The following UNC80 variants were observed in gnomAD, a reference collection of about 807,000 sequenced individuals.
UNC80 encodes the protein protein unc-80 homolog.
A neutral mutation model predicts 384.6 loss-of-function variants in UNC80; 164 were observed. The observed-to-expected ratio is 0.43, with a 90% confidence interval of 0.38 to 0.49. The LOEUF (loss-of-function observed/expected upper bound fraction) is 0.49. Ranked by LOEUF, UNC80 falls within the 20% of genes least tolerant of loss-of-function variation. UNC80 has a pLI of 0.00. For missense variants in UNC80, 3,330 were observed against 4,143.0 expected (o/e 0.80, Z 5.39); for synonymous variants, 1,486 against 1,527.8 (o/e 0.97, Z 0.64).
At chr2:209,955,692 AATATATATATATATATATATATATATAT>A (rs57804600) in intron 48 of UNC80, among the ~76,000 whole-genome samples, 11 of 51,614 alleles carry the variant, frequency 2.1e-4, no homozygotes, top group Non-Finnish European at 3.1e-4. Context: ...CTGTATTTCT[AATATATATATATATATATATATATATAT>A]ATATATATAT....
At chr2:209,960,821 G>A (rs2092565133) in intron 51 of UNC80, 1 of 152,278 alleles carries the variant, frequency 6.6e-6, no homozygotes, top group African/African-American at 2.4e-5. Context: ...TTCACACTGA[G>A]AAGTTCAGCT....
At position 209,842,340 on chromosome 2, in the gene UNC80, CT is replaced by C; in HGVS notation, c.3358-4del. ...TATCTCTCTACTTTCCTTTTTTTTT[CT>C]TTTTTCAGGTCAAATTCACTAGTGC... On this transcript the variant is annotated splice_polypyrimidine_tract_variant and intron_variant, in intron 20 of 64. Coordinates refer to ENST00000673920, the MANE Select transcript of UNC80 (RefSeq NM_001371986.1). 1 of 1,513,484 alleles carries C rather than the reference CT, an allele frequency of 6.6e-7. No individual in the cohort carries two copies. Among genetic ancestry groups the C allele is most frequent in the African/African-American group, 1.4e-5 (1 of 70,296 alleles). 93.8% of individuals were successfully genotyped at this position (1,513,484 alleles called of 1,614,324 possible).
intron 30 of UNC80, 135 bp downstream of exon 30, chr2:209,912,802 C>G: frequency 1.7e-6 from 1 of 585,718 alleles, no homozygotes; most frequent in South Asian, 2.4e-5. Flanking sequence ...AGTTGGTGAG[C>G]AAGAGTGCCA....
At chr2:209,930,841 A>G (rs1370700324) in intron 37 of UNC80, 127 bp from the exon 38 acceptor site, 1 of 612,380 alleles carries the variant, frequency 1.6e-6, no homozygotes, top group Non-Finnish European at 2.9e-6. Flanking sequence ...GTTGAACATA[A>G]TTGAAATCAA....
chr2:209,802,842 A>C (rs2078649575), intron 7 of UNC80, among the ~76,000 whole-genome samples: 1 of 152,324 alleles, frequency 6.6e-6, no homozygotes, highest in East Asian at 1.9e-4. Flanking sequence ...ATCCAGTTAC[A>C]GTTTCTCTCA....
intron 26 of UNC80, among the ~76,000 whole-genome samples, chr2:209,893,870 A>T (rs2086575407): frequency 6.6e-6 from 1 of 152,216 alleles, no homozygotes; most frequent in Non-Finnish European, 1.5e-5. Context: ...ATAAAAGTGT[A>T]CTAATAGTCC....
chr2:209,927,343 C>T (rs894263457), intron 36 of UNC80, among the ~76,000 whole-genome samples: 1 of 152,178 alleles, frequency 6.6e-6, no homozygotes, highest in Admixed American at 6.5e-5. Flanking sequence ...ACGTGATTAC[C>T]TTTCCTGACG....
intron 64 of UNC80, 117 bp downstream of exon 64, chr2:209,994,381 C>A: frequency 1.1e-6 from 1 of 878,328 alleles, no homozygotes; most frequent in Non-Finnish European, 1.7e-6. Context: ...GCTTTGTTAT[C>A]CAAACAGATA....
chr2:209,804,124 C>T (rs2078733989), intron 7 of UNC80, among the ~76,000 whole-genome samples: 1 of 152,076 alleles, frequency 6.6e-6, no homozygotes, highest in East Asian at 1.9e-4. Flanking sequence ...GAGATGTTAC[C>T]AAAGTGATTT....
chr2:209,941,106 C>T (rs759936232), intron 43 of UNC80, 115 bp from the exon 44 acceptor site: 63 of 1,316,874 alleles, frequency 4.8e-5, no homozygotes, highest in Non-Finnish European at 6.0e-5. Flanking sequence ...AGTAGATCTT[C>T]ACATCCTGGA....
intron 14 of UNC80, among the ~76,000 whole-genome samples, chr2:209,827,293 C>T (rs2080604698): frequency 6.6e-6 from 1 of 152,014 alleles, no homozygotes; most frequent in Non-Finnish European, 1.5e-5. Context: ...CATCACTCCC[C>T]ATGCAGAAGA....
At position 209,973,239 on chromosome 2, in the gene UNC80, G is replaced by C; in HGVS notation, c.8556G>C (p.Leu2852=). Residue 2852 remains leucine, a synonymous_variant, in exon 56 of 65, where the codon CTG becomes CTC. Coordinates refer to ENST00000673920, the MANE Select transcript of UNC80 (RefSeq NM_001371986.1). ...DAGKDLRREG[L]AESTSQAAYL... is the part of the protein sequence containing the mutation. ...GGAAAGACTTGCGCAGGGAAGGGCT[G>C]GCTGAGTCCACCAGCCAAGCAGCAT... 6.4e-7 allele frequency: 1 copy of C among 1,551,620 alleles called. No individual in the cohort carries two copies. Among genetic ancestry groups the C allele is most frequent in the African/African-American group, 1.4e-5 (1 of 73,142 alleles).
chr2:209,986,498 A>G (rs1205003225), intron 61 of UNC80, among the ~76,000 whole-genome samples: 1 of 152,218 alleles, frequency 6.6e-6, no homozygotes, highest in Non-Finnish European at 1.5e-5. Context: ...TTCCAGTGTC[A>G]ATGGAAATAT....
intron 6 of UNC80, 110 bp from the exon 7 acceptor site, chr2:209,793,610 C>A: frequency 7.6e-7 from 1 of 1,318,320 alleles, no homozygotes; most frequent in Non-Finnish European, 1.0e-6. Flanking sequence ...GAAAAAAAGC[C>A]CATATATGGA....
At chr2:209,893,167 T>C (rs1344794986) in intron 26 of UNC80, among the ~76,000 whole-genome samples, 1 of 152,226 alleles carries the variant, frequency 6.6e-6, no homozygotes, top group African/African-American at 2.4e-5. Context: ...TGATTGGGAA[T>C]TTTAAAATAT....
At chr2:209,786,605 T>C (rs765071852) in intron 5 of UNC80, among the ~76,000 whole-genome samples, 8 of 152,160 alleles carry the variant, frequency 5.3e-5, no homozygotes, top group African/African-American at 7.2e-5. Context: ...AACAAAATCA[T>C]CTTAGTGTTG....
chr2:209,884,987 A>G (rs1373447105), intron 25 of UNC80, among the ~76,000 whole-genome samples: 2 of 152,012 alleles, frequency 1.3e-5, no homozygotes, highest in Non-Finnish European at 2.9e-5. Flanking sequence ...GGTGCAGCAG[A>G]CCACCATGGC....
At chr2:209,857,869 A>G (rs1349106698) in intron 22 of UNC80, among the ~76,000 whole-genome samples, 1 of 152,134 alleles carries the variant, frequency 6.6e-6, no homozygotes, top group East Asian at 1.9e-4. Flanking sequence ...TTAGAAATCA[A>G]TTTGTGTTGT....
Position 209,991,839 on chromosome 2 carries a change from A to G in UNC80, c.9315-327A>G, listed in dbSNP as rs74511412. Among the ~76,000 whole-genome samples, 326 of 152,218 alleles carry G rather than the reference A, an allele frequency of 2.1e-3. 1 individual carries two copies. Among genetic ancestry groups the G allele is most frequent in the African/African-American group, 7.6e-3 (315 of 41,540 alleles). ...TCACCACCGTTTCCCTTCCCCTTGG[A>G]AAAAAAATTGAGATTAGAATATGAC... is the stretch of plus-strand genomic sequence containing the variant. On this transcript the variant is annotated intron_variant, in intron 61 of 64. Transcript: ENST00000673920.
Sources: allele counts gnomAD v4.1 joint callset (sites outside exome capture counted in the v4.1 genomes callset), GRCh38; gene constraint gnomAD v4.1.1; transcripts MANE v1.5; gene names NCBI Gene and HGNC (gene_info 2026-07-23, HGNC 2026-07-21).